Variants in DLGAP5 observed in about 807,000 individuals in gnomAD.
The protein encoded by DLGAP5 is DLG associated protein 5.
Under a neutral mutation model 99.6 loss-of-function variants are expected in DLGAP5, and 90 were observed. That is an observed-to-expected ratio of 0.90 (90% CI 0.76 to 1.08). DLGAP5 has a LOEUF of 1.08. Ranked by LOEUF, DLGAP5 falls within the 50% of genes least tolerant of loss-of-function variation. DLGAP5 has a pLI of 0.00. For missense variants in DLGAP5, 1,036 were observed against 983.5 expected, an observed-to-expected ratio of 1.05 and a Z score of -0.71; for synonymous variants, 311 against 321.3, an observed-to-expected ratio of 0.97 and a Z score of 0.34.
chr14:55,153,535 C>G (rs1032995377), intron 15 of DLGAP5, among the ~76,000 whole-genome samples: 6 of 111,730 alleles, frequency 5.4e-5, no homozygotes, highest in African/African-American at 3.1e-4. Flanking sequence ...AGCGACACTC[C>G]GTCTCAAAAA....
At position 55,152,587 on chromosome 14, in the gene DLGAP5, T is replaced by TA. The variant is rs757212943; in HGVS notation, c.2121+2dup. 1.5e-5 allele frequency: 24 copies of TA among 1,600,360 alleles called. No homozygotes were observed. In the Admixed American group the frequency reaches 2.2e-4, roughly 15 times the overall value. On this transcript the variant is annotated splice_region_variant and intron_variant, in intron 16 of 18. Coordinates refer to ENST00000247191, the MANE Select transcript of DLGAP5 (RefSeq NM_014750.5). ...TATCTAACCACACTGGAATTGTACT[T>TA]ACATGATTTTCTTCAATTAAATCTG...
intron 3 of DLGAP5, among the ~76,000 whole-genome samples, chr14:55,183,294 G>A (rs1285447849): frequency 6.6e-6 from 1 of 152,074 alleles, no homozygotes; most frequent in Non-Finnish European, 1.5e-5. Flanking sequence ...TCCTGATTCT[G>A]CAAAACCTAC....
intron 2 of DLGAP5, 128 bp from the exon 3 acceptor site, chr14:55,183,881 G>A (rs767854669): frequency 4.6e-5 from 43 of 936,030 alleles, no homozygotes; most frequent in Non-Finnish European, 5.8e-5. Flanking sequence ...GGCCAGGCAC[G>A]GTGGCTCACG....
In DLGAP5 at chr14:55,179,742, T is replaced by C. The variant is rs762908171; in HGVS notation, c.704-43A>G. The C allele has an allele frequency of 4.6e-5, 68 of 1,462,840 alleles. No individual in the cohort carries two copies. In the Middle Eastern group the frequency reaches 1.2e-3, roughly 27 times the overall value. 90.6% of individuals were successfully genotyped at this position (1,462,840 alleles called of 1,614,324 possible). On this transcript the variant is annotated intron_variant, in intron 6 of 18. Transcript: ENST00000247191. ...TATTTATTTTACTAGATAGAAATGC[T>C]ACATGAAAATACTAGGTAACTTGGG...
intron 13 of DLGAP5, among the ~76,000 whole-genome samples, chr14:55,159,589 T>C (rs924699584): frequency 2.0e-5 from 3 of 152,228 alleles, no homozygotes; most frequent in Non-Finnish European, 4.4e-5. Flanking sequence ...GACTTCTATC[T>C]TGAACACCTG....
intron 13 of DLGAP5, among the ~76,000 whole-genome samples, chr14:55,161,567 G>A (rs1205013637): frequency 6.6e-6 from 1 of 150,460 alleles, no homozygotes; most frequent in Non-Finnish European, 1.5e-5. Flanking sequence ...GCGCCACCTC[G>A]CCCAGCTAAT....
chr14:55,181,772 T>C (rs1224421900), intron 4 of DLGAP5, among the ~76,000 whole-genome samples: 1 of 152,146 alleles, frequency 6.6e-6, no homozygotes, highest in Non-Finnish European at 1.5e-5. Context: ...GTACACCCCA[T>C]CTCCCCTTTT....
intron 16 of DLGAP5, 43 bp downstream of exon 16, chr14:55,152,545 CAT>C: frequency 1.4e-6 from 2 of 1,454,974 alleles, no homozygotes; most frequent in Non-Finnish European, 1.9e-6. Flanking sequence ...ATGATATAAA[CAT>C]ATGACATACT....
At chr14:55,166,142 A>C (rs374645467) in intron 12 of DLGAP5, among the ~76,000 whole-genome samples, 2 of 152,258 alleles carry the variant, frequency 1.3e-5, no homozygotes, top group Admixed American at 1.3e-4. Flanking sequence ...AAGTGGAAGC[A>C]ATTTAAATGA....
At chr14:55,161,874 CAAAAAAA>C (rs34002442) in intron 13 of DLGAP5, among the ~76,000 whole-genome samples, 15 of 37,958 alleles carry the variant, frequency 4.0e-4, no homozygotes, top group South Asian at 1.5e-3. Context: ...AACTCTGTCT[CAAAAAAA>C]AAAAAAAAAA....
At chr14:55,177,420 A>G in intron 7 of DLGAP5, 84 bp from the exon 8 acceptor site, 3 of 1,257,278 alleles carry the variant, frequency 2.4e-6, no homozygotes, top group Non-Finnish European at 3.3e-6. Flanking sequence ...TGAAAATATG[A>G]CAACAGAAAT....
chr14:55,148,575 C>T (rs527308796), intron 18 of DLGAP5, 102 bp from the exon 19 acceptor site: 314 of 1,577,136 alleles, frequency 2.0e-4, no homozygotes, highest in Non-Finnish European at 2.4e-4. Flanking sequence ...AAAAATAAAC[C>T]GGGTGCGGTG....
At chr14:55,150,972 C>G (rs1881996572) in intron 17 of DLGAP5, 124 bp from the exon 18 acceptor site, 18 of 592,016 alleles carry the variant, frequency 3.0e-5, no homozygotes, top group Middle Eastern at 4.6e-4. Context: ...AAAATATAGA[C>G]CCCTATGCTA....
Position 55,148,310 on chromosome 14 carries a change from A to G in DLGAP5, c.*41T>C. Reference sequence around the variant, plus strand: ...TCAATAGTCTAAGGAATATATAAGCATTGATAATATGAAGGAAAATGTTTG... The same window carrying G: ...TCAATAGTCTAAGGAATATATAAGCGTTGATAATATGAAGGAAAATGTTTG... On this transcript the variant is annotated 3_prime_UTR_variant, in exon 19 of 19. Coordinates refer to ENST00000247191, the MANE Select transcript of DLGAP5 (RefSeq NM_014750.5). 6.3e-7 allele frequency: 1 copy of G among 1,598,952 alleles called. No homozygotes were observed. The highest frequency in any genetic ancestry group is 8.6e-7 in the Non-Finnish European group (1 of 1,168,170).
At chr14:55,188,901 A>C (rs935694641) in intron 2 of DLGAP5, 41 bp downstream of exon 2, 1 of 1,512,646 alleles carries the variant, frequency 6.6e-7, no homozygotes, top group Non-Finnish European at 9.1e-7. Context: ...ACTATTATTC[A>C]CTCTTCAAAG....
chr14:55,172,705 C>T (rs537671624), intron 10 of DLGAP5, among the ~76,000 whole-genome samples: 7 of 151,912 alleles, frequency 4.6e-5, no homozygotes, highest in African/African-American at 1.2e-4. Flanking sequence ...GGCAGAGGGT[C>T]GGGCACGGTG....
chr14:55,162,824 C>T (rs1369492962), intron 13 of DLGAP5, 147 bp downstream of exon 13: 10 of 449,012 alleles, frequency 2.2e-5, no homozygotes, highest in African/African-American at 4.1e-5. Context: ...AAAGACTTAA[C>T]TTTGTAAAAT....
rs35448900 is a variant in DLGAP5, at chr14:55,150,860, CAA to C, written c.2369-14_2369-13del. ...ATTATCAAATAGTTCTGAAAAACAACAAAAAAAAACTTTTTAAAGAATATTCT... is the reference window on the plus strand; with the variant it reads ...ATTATCAAATAGTTCTGAAAAACAACAAAAAAACTTTTTAAAGAATATTCT... On this transcript the variant is annotated splice_polypyrimidine_tract_variant and intron_variant, in intron 17 of 18. Transcript: ENST00000247191. The C allele has an allele frequency of 7.3e-6, 11 of 1,515,578 alleles. No individual in the cohort carries two copies. Among genetic ancestry groups the C allele is most frequent in the African/African-American group, 4.3e-5 (3 of 69,794 alleles). 93.9% of individuals were successfully genotyped at this position (1,515,578 alleles called of 1,614,324 possible). A position where few individuals can be genotyped will look rare whatever the true frequency, so the allele number is the denominator to read the frequency against.
chr14:55,180,653 C>T lies in DLGAP5; in HGVS notation c.703+3G>A, dbSNP rs1883237662. 1 of 1,614,104 alleles carries T rather than the reference C, an allele frequency of 6.2e-7. No homozygotes were observed. The highest frequency in any genetic ancestry group is 8.5e-7 in the Non-Finnish European group (1 of 1,179,992). On this transcript the variant is annotated splice_donor_region_variant and intron_variant, in intron 6 of 18. Coordinates refer to ENST00000247191, the MANE Select transcript of DLGAP5 (RefSeq NM_014750.5). ...CAGTCACTGATCAAGGAATAGTTCT[C>T]ACCATTAGCAGCTCTTGTGACTGGC...
Sources: gnomAD v4.1 joint callset for allele counts (sites outside exome capture counted in the v4.1 genomes callset) on GRCh38, gnomAD v4.1.1 for gene constraint, MANE v1.5 for transcripts, NCBI Gene and HGNC (gene_info 2026-07-23, HGNC 2026-07-21) for gene names.